The following IGF1 variants were observed in gnomAD, a reference collection of about 807,000 sequenced individuals.
IGF1 encodes the protein insulin-like growth factor 1.
Under a neutral mutation model 13.8 loss-of-function variants are expected in IGF1, and 4 were observed. That is an observed-to-expected ratio of 0.29 (90% CI 0.14 to 0.66). The LOEUF (loss-of-function observed/expected upper bound fraction) is 0.66, where lower values mean the gene tolerates loss of function less well. Ranked by LOEUF, IGF1 falls within the 30% of genes least tolerant of loss-of-function variation. IGF1 has a pLI of 0.78. For missense variants in IGF1, 124 were observed against 188.5 expected, an observed-to-expected ratio of 0.66 and a Z score of 2.00; for synonymous variants, 76 against 72.6, an observed-to-expected ratio of 1.05 and a Z score of -0.23.
intron 3 of IGF1, among the ~76,000 whole-genome samples, chr12:102,412,097 G>A (rs915171251): frequency 2.6e-5 from 4 of 152,078 alleles, no homozygotes; most frequent in African/African-American, 9.7e-5. Flanking sequence ...TATGTTAGAT[G>A]GGAAATGGTA....
intron 2 of IGF1, among the ~76,000 whole-genome samples, chr12:102,432,935 T>C (rs1371015003): frequency 1.3e-5 from 2 of 152,138 alleles, no homozygotes; most frequent in African/African-American, 4.8e-5. Flanking sequence ...ACCAAGTACG[T>C]ATGAGGTTTC....
chr12:102,458,433 T>A (rs1333384551), intron 2 of IGF1, among the ~76,000 whole-genome samples: 6 of 152,090 alleles, frequency 3.9e-5, no homozygotes, highest in Non-Finnish European at 7.4e-5. Flanking sequence ...TTACCTAAAT[T>A]CCCTTAGTAG....
intron 3 of IGF1, among the ~76,000 whole-genome samples, chr12:102,405,076 G>GTTTT (rs1555236801): frequency 2.0e-5 from 3 of 146,382 alleles, no homozygotes; most frequent in Non-Finnish European, 4.5e-5. Flanking sequence ...ATTGGGTTCT[G>GTTTT]CTTTCTTTCT....
chr12:102,477,786 C>A (rs1881153075), intron 1 of IGF1, among the ~76,000 whole-genome samples: 1 of 152,196 alleles, frequency 6.6e-6, no homozygotes, highest in East Asian at 1.9e-4. Flanking sequence ...AGGCTAAGCA[C>A]CTGCAACTGT....
In IGF1 at chr12:102,398,086, T is replaced by TAAAAAAAAAA. The variant is rs71303538; in HGVS notation, c.*4411_*4420dup. 1 of 126,778 alleles carries TAAAAAAAAAA rather than the reference T, an allele frequency of 7.9e-6. No homozygotes were observed. The highest frequency in any genetic ancestry group is 3.0e-5 in the African/African-American group (1 of 33,598). 7.9% of individuals were successfully genotyped at this position (126,778 alleles called of 1,614,324 possible). On this transcript the variant is annotated 3_prime_UTR_variant, in exon 4 of 4. Coordinates refer to ENST00000337514, the MANE Select transcript of IGF1 (RefSeq NM_000618.5). ...AGAAATTCATAAAGACTGTATAAAG[T>TAAAAAAAAAA]AAAAAAAAAAAAAAAACAAAAACAA...
At chr12:102,441,955 C>CTTCTTCTTCTTCTTCTT (rs1555244164) in intron 2 of IGF1, among the ~76,000 whole-genome samples, 1 of 139,980 alleles carries the variant, frequency 7.1e-6, no homozygotes, top group African/African-American at 2.7e-5. Flanking sequence ...TCTTCTTCTT[C>CTTCTTCTTCTTCTTCTT]TTTTTTTTTT....
At chr12:102,457,182 T>C (rs1227830690) in intron 2 of IGF1, among the ~76,000 whole-genome samples, 1 of 152,198 alleles carries the variant, frequency 6.6e-6, no homozygotes, top group Non-Finnish European at 1.5e-5. Flanking sequence ...ATAAATATTA[T>C]TCAAATATAC....
chr12:102,473,050 A>G (rs188418958), intron 2 of IGF1, among the ~76,000 whole-genome samples: 9 of 152,298 alleles, frequency 5.9e-5, no homozygotes, highest in Admixed American at 4.6e-4. Flanking sequence ...ATTCAATTCA[A>G]TTCAATCCTG....
In IGF1 at chr12:102,401,574, C is replaced by G. The variant is rs1873683892; in HGVS notation, c.*933G>C. On this transcript the variant is annotated 3_prime_UTR_variant, in exon 4 of 4. Coordinates refer to ENST00000337514, the MANE Select transcript of IGF1 (RefSeq NM_000618.5). The stretch of plus-strand genomic sequence containing the variant: ...TTCACGTATTACCGTTTTGGCCAGA[C>G]TCTTTCATATAACAAACTACAAAAT... 1 of 152,730 alleles carries G rather than the reference C, an allele frequency of 6.5e-6. No homozygotes were observed. The highest frequency in any genetic ancestry group is 6.5e-5 in the Admixed American group (1 of 15,296). The allele number at this position is 152,730 out of a possible 1,614,324, so 9.5% of individuals were successfully genotyped here. A position where few individuals can be genotyped will look rare whatever the true frequency, so the allele number is the denominator to read the frequency against.
intron 3 of IGF1, among the ~76,000 whole-genome samples, chr12:102,418,412 G>T (rs1432968296): frequency 6.6e-6 from 1 of 152,218 alleles, no homozygotes; most frequent in Non-Finnish European, 1.5e-5. Flanking sequence ...TCTCCAATAA[G>T]CCACCATGGT....
At chr12:102,444,111 G>C (rs1319065358) in intron 2 of IGF1, among the ~76,000 whole-genome samples, 3 of 152,006 alleles carry the variant, frequency 2.0e-5, no homozygotes, top group Admixed American at 2.0e-4. Flanking sequence ...ACAGGCATGA[G>C]CCACCACGCC....
intron 2 of IGF1, among the ~76,000 whole-genome samples, chr12:102,456,348 C>T (rs1215334105): frequency 2.0e-5 from 3 of 150,428 alleles, no homozygotes; most frequent in African/African-American, 7.3e-5. Context: ...TAAATTCAAA[C>T]GAGAAGAAAG....
At chr12:102,476,943 G>A (rs1309140998) in intron 1 of IGF1, among the ~76,000 whole-genome samples, 2 of 152,144 alleles carry the variant, frequency 1.3e-5, no homozygotes, top group Non-Finnish European at 2.9e-5. Context: ...GCCTCTCAAG[G>A]TGAGTGGCTT....
At position 102,441,906 on chromosome 12, in the gene IGF1, G is replaced by GCTGCTGCTTCTT; in HGVS notation, c.221-22217_221-22216insAAGAAGCAGCAG. On this transcript the variant is annotated intron_variant, in intron 2 of 3. Coordinates refer to ENST00000337514, the MANE Select transcript of IGF1 (RefSeq NM_000618.5). ...GAGCACTAAGTCATTCTATTACACT[G>GCTGCTGCTTCTT]CTTCTTCTCCTTCTTCTTCTTCTTC... is the stretch of plus-strand genomic sequence containing the variant. Among the ~76,000 whole-genome samples the GCTGCTGCTTCTT allele has an allele frequency of 3.6e-3, 362 of 100,300 alleles. 20 individuals carry two copies. The highest frequency in any genetic ancestry group is 4.0e-3 in the Non-Finnish European group (195 of 48,390). 65.8% of individuals were successfully genotyped at this position (100,300 alleles called of 152,430 possible). A position where few individuals can be genotyped will look rare whatever the true frequency, so the allele number is the denominator to read the frequency against.
intron 2 of IGF1, among the ~76,000 whole-genome samples, chr12:102,432,683 G>A (rs1254794594): frequency 6.6e-6 from 1 of 152,136 alleles, no homozygotes; most frequent in Non-Finnish European, 1.5e-5. Context: ...CAAGACTTGA[G>A]TTTGGCATCC....
rs1339299766 is a variant in IGF1 at position 102,399,614 on chromosome 12, A to G, written c.*2893T>C. ...GAATTGGTATAATGAGTTATTTTCA[A>G]TTTATTTATAATCCAGTTGGAGAGG... On this transcript the variant is annotated 3_prime_UTR_variant, in exon 4 of 4. Transcript: ENST00000337514. 1.3e-5 allele frequency: 2 copies of G among 152,140 alleles called. No individual in the cohort carries two copies. The highest frequency in any genetic ancestry group is 4.8e-5 in the African/African-American group (2 of 41,422). 9.4% of individuals were successfully genotyped at this position (152,140 alleles called of 1,614,324 possible). A position where few individuals can be genotyped will look rare whatever the true frequency, so the allele number is the denominator to read the frequency against.
intron 3 of IGF1, among the ~76,000 whole-genome samples, chr12:102,415,543 T>TTTCCTTCCTTCCTTCCTTCCTTCC (rs761981548): frequency 4.6e-4 from 38 of 81,806 alleles, no homozygotes; most frequent in Non-Finnish European, 7.1e-4. Flanking sequence ...CTTCCTTCCC[T>TTTCCTTCCTTCCTTCCTTCCTTCC]TTCCTTCCTT....
intron 1 of IGF1, chr12:102,478,500 AT>A (rs1219235893): frequency 1.2e-6 from 2 of 1,610,900 alleles, no homozygotes; most frequent in Non-Finnish European, 1.7e-6. Context: ...AGGTGTAATC[AT>A]TTTTGTTTGT....
chr12:102,430,164 C>A lies in IGF1; in HGVS notation c.221-10474G>T, dbSNP rs559511950. 4.6e-5 allele frequency among the ~76,000 whole-genome samples: 7 copies of A among 152,236 alleles called. No individual in the cohort carries two copies. In the South Asian group the frequency reaches 1.5e-3, roughly 32 times the overall value. On this transcript the variant is annotated intron_variant, in intron 2 of 3. Coordinates refer to ENST00000337514, the MANE Select transcript of IGF1 (RefSeq NM_000618.5). ...CAATACTTAGGCATAAGTAGCTCTGCTCTGCTCAAGCAGAAGTGAGGGCCT... is the reference window on the plus strand; with the variant it reads ...CAATACTTAGGCATAAGTAGCTCTGATCTGCTCAAGCAGAAGTGAGGGCCT...
Sources: gnomAD v4.1 joint callset for allele counts (sites outside exome capture counted in the v4.1 genomes callset) on GRCh38, gnomAD v4.1.1 for gene constraint, MANE v1.5 for transcripts, NCBI Gene and HGNC (gene_info 2026-07-23, HGNC 2026-07-21) for gene names.